The following COL5A3 variants were observed in gnomAD, a reference collection of about 807,000 sequenced individuals.
COL5A3 encodes collagen type V alpha 3 chain.
A neutral mutation model predicts 250.0 loss-of-function variants in COL5A3; 172 were observed. That is an observed-to-expected ratio of 0.69 (90% CI 0.61 to 0.78). COL5A3 has a LOEUF of 0.78. Among genes scored for constraint, COL5A3 ranks in the 30% least tolerant of loss-of-function variants. COL5A3 has a pLI of 0.00. For missense variants in COL5A3, 2,340 were observed against 2,334.4 expected (o/e 1.00, Z -0.05); for synonymous variants, 937 against 900.4 (o/e 1.04, Z -0.73).
Position 9,978,892 on chromosome 19 carries a change from G to C in COL5A3, c.2963C>G (p.Pro988Arg). The change falls in exon 40 of 67, where the codon CCG becomes CGG. Residue 988 changes from proline to arginine, a missense_variant and splice_region_variant. Physicochemically the swap from Pro to Arg is moderately radical, Grantham distance 103 (BLOSUM62 -2). Around this residue, in one of 3 missense-constraint regions of COL5A3, gnomAD observed 1,179 missense variants for 1,162.6 expected, o/e 1.01. Coordinates refer to ENST00000264828, the MANE Select transcript of COL5A3 (RefSeq NM_015719.4). ...FPGPKGGPGD[P>R]GPTGLKGDKG... ...AGGAGGGTCTCCAAAGATACTCACCGGGTCCCCAGGGCCCCCTTTGGGGCC... is the reference window on the plus strand; with the variant it reads ...AGGAGGGTCTCCAAAGATACTCACCCGGTCCCCAGGGCCCCCTTTGGGGCC... The C allele has an allele frequency of 6.9e-7, 1 of 1,456,002 alleles. No individual in the cohort carries two copies. Among genetic ancestry groups the C allele is most frequent in the Non-Finnish European group, 9.1e-7 (1 of 1,103,716 alleles). 90.2% of individuals were successfully genotyped at this position (1,456,002 alleles called of 1,614,324 possible). A position where few individuals can be genotyped will look rare whatever the true frequency, so the allele number is the denominator to read the frequency against.
rs760485484 is a variant in COL5A3 at position 9,962,837 on chromosome 19, T to A, written c.4833A>T (p.Thr1611=). Residue 1611 remains threonine, a synonymous_variant, in exon 65 of 67, where the codon ACA becomes ACT. Coordinates refer to ENST00000264828, the MANE Select transcript of COL5A3 (RefSeq NM_015719.4). ...SKEKPGGWYS[T]FRRGKKFSYV... is the part of the protein sequence containing the mutation. ...GACTCACCTTCTTCCCTCGACGGAA[T>A]GTGCTATACCAGCCTCCAGGCTTTT... 22 of 1,611,140 alleles carry A rather than the reference T, an allele frequency of 1.4e-5. No homozygotes were observed. The highest frequency in any genetic ancestry group is 2.5e-6 in the Non-Finnish European group (3 of 1,178,696).
intron 61 of COL5A3, 104 bp downstream of exon 61, chr19:9,967,800 C>CATGAATAA (rs1351652444): frequency 1.1e-5 from 13 of 1,190,564 alleles, no homozygotes; most frequent in Non-Finnish European, 1.5e-5. Context: ...CGCACGATTG[C>CATGAATAA]ATGAATAAAT....
intron 31 of COL5A3, among the ~76,000 whole-genome samples, chr19:9,984,703 C>T (rs1261356660): frequency 6.6e-6 from 1 of 152,106 alleles, no homozygotes; most frequent in Non-Finnish European, 1.5e-5. Flanking sequence ...TGTTTCACCG[C>T]AGAGAAAACA....
chr19:9,970,382 G>A (rs1599533659), intron 54 of COL5A3, among the ~76,000 whole-genome samples: 3 of 122,176 alleles, frequency 2.5e-5, no homozygotes, highest in Admixed American at 8.3e-5. Context: ...GGTAAGCGGG[G>A]GCTGTGGGGT....
rs1358026424 is a variant in COL5A3 at position 9,993,082 on chromosome 19, C to T, written c.1750-15G>A. On this transcript the variant is annotated splice_polypyrimidine_tract_variant and intron_variant, in intron 19 of 66. Coordinates refer to ENST00000264828, the MANE Select transcript of COL5A3 (RefSeq NM_015719.4). ...CCCTCTGCTCCCTGTGGAAAAGCGT[C>T]ATTACTTGGGAACAGGAAGGTACAA... The T allele has an allele frequency of 1.2e-6, 2 of 1,613,716 alleles. No homozygotes were observed. Among genetic ancestry groups the T allele is most frequent in the South Asian group, 1.1e-5 (1 of 91,038 alleles).
intron 27 of COL5A3, among the ~76,000 whole-genome samples, chr19:9,988,855 A>AAAAAAAAAAGAGAGAAAG (rs1269531312): frequency 2.9e-5 from 3 of 104,740 alleles, no homozygotes; most frequent in Non-Finnish European, 5.5e-5. Flanking sequence ...AAAAAAAAAA[A>AAAAAAAAAAGAGAGAAAG]AAAGAAAGTA....
intron 64 of COL5A3, among the ~76,000 whole-genome samples, chr19:9,964,939 C>T (rs779068353): frequency 1.4e-5 from 2 of 140,706 alleles, no homozygotes; most frequent in Non-Finnish European, 1.5e-5. Context: ...ATTACAGCTC[C>T]TGGGGAGGCT....
rs1419781091 is a variant in COL5A3 at position 9,989,537 on chromosome 19, A to G, written c.1993-15T>C. 2 of 1,606,906 alleles carry G rather than the reference A, an allele frequency of 1.2e-6. No homozygotes were observed. The highest frequency in any genetic ancestry group is 1.7e-6 in the Non-Finnish European group (2 of 1,176,544). ...CCAGGGGGACCCTGAAAGAAGATGAACAGCAGGGGAGAGACAGAGGTGCTC... is the reference window on the plus strand; with the variant it reads ...CCAGGGGGACCCTGAAAGAAGATGAGCAGCAGGGGAGAGACAGAGGTGCTC... On this transcript the variant is annotated splice_polypyrimidine_tract_variant and intron_variant, in intron 24 of 66. Coordinates refer to ENST00000264828, the MANE Select transcript of COL5A3 (RefSeq NM_015719.4).
At position 9,986,341 on chromosome 19, in the gene COL5A3, C is replaced by T. The variant is rs1392102562; in HGVS notation, c.2326G>A (p.Gly776Arg). ...TTCTCCCCAGCTGAGCCTGGGGGCC[C>T]CTCCTCGCCAGCCTGCCCCGCCTGC... ...KGQAGQAGEEGPPGSAGEKGK... is the reference protein window; with the variant it reads ...KGQAGQAGEERPPGSAGEKGK... Residue 776 changes from glycine (G) to arginine (R), a missense_variant, in exon 30 of 67, where the codon GGG becomes AGG. Physicochemically the swap from Gly to Arg is moderately radical, Grantham distance 125. Transcript: ENST00000264828. The T allele has an allele frequency of 5.7e-6, 9 of 1,586,378 alleles. No homozygotes were observed. The highest frequency in any genetic ancestry group is 7.7e-6 in the Non-Finnish European group (9 of 1,172,602).
chr19:10,010,177 G>C, intron 1 of COL5A3, 121 bp downstream of exon 1: 1 of 462,276 alleles, frequency 2.2e-6, no homozygotes, highest in Non-Finnish European at 3.0e-6. Flanking sequence ...CATCACACCG[G>C]GGCCGCACGC....
chr19:9,999,061 T>TC (rs1169313624), intron 8 of COL5A3, among the ~76,000 whole-genome samples: 2 of 151,946 alleles, frequency 1.3e-5, no homozygotes, highest in Non-Finnish European at 2.9e-5. Flanking sequence ...TCTCTTTTTC[T>TC]TTCTTCTTTC....
intron 1 of COL5A3, among the ~76,000 whole-genome samples, chr19:10,008,064 T>C (rs752796778): frequency 1.3e-5 from 2 of 152,038 alleles, no homozygotes; most frequent in Non-Finnish European, 2.9e-5. Flanking sequence ...AAATCTGGGT[T>C]GCAGTCCCCT....
intron 57 of COL5A3, chr19:9,969,019 G>T: frequency 1.7e-6 from 1 of 584,638 alleles, no homozygotes. Flanking sequence ...GGGTCAGTGT[G>T]GTCAGTGTAG....
intron 11 of COL5A3, 80 bp downstream of exon 11, chr19:9,997,291 T>A: frequency 9.2e-7 from 1 of 1,084,364 alleles, no homozygotes. Flanking sequence ...CACACCCTCA[T>A]ATCTATGTTC....
chr19:10,003,436 T>A, intron 6 of COL5A3, 129 bp downstream of exon 6: 2 of 902,790 alleles, frequency 2.2e-6, no homozygotes, highest in Admixed American at 2.3e-5. Context: ...GAGAAAAAGA[T>A]CATAGATGAG....
At position 10,003,566 on chromosome 19, in the gene COL5A3, T is replaced by A; in HGVS notation, c.848A>T (p.Gln283Leu). ...SSPPPDSAEN[Q>L]TSTDIPKTET... The stretch of plus-strand genomic sequence containing the variant: ...AGTGAGAGGTCTCAGGGCCCTTACC[T>A]GGTTCTCTGCGGAGTCAGGAGGTGG... The change falls in exon 6 of 67, where the codon CAG (glutamine) becomes CTG (leucine). Residue 283 changes from glutamine to leucine, a missense_variant and splice_region_variant. Physicochemically the swap from Gln to Leu is moderately radical, Grantham distance 113 (BLOSUM62 -2). Coordinates refer to ENST00000264828, the MANE Select transcript of COL5A3 (RefSeq NM_015719.4). The A allele has an allele frequency of 6.2e-7, 1 of 1,614,122 alleles. No individual in the cohort carries two copies. The highest frequency in any genetic ancestry group is 8.5e-7 in the Non-Finnish European group (1 of 1,179,996).
chr19:9,996,785 G>C (rs2087280471), intron 11 of COL5A3, 96 bp from the exon 12 acceptor site: 2 of 841,090 alleles, frequency 2.4e-6, no homozygotes, highest in Non-Finnish European at 3.6e-6. Context: ...CAGAAAGAGA[G>C]AGAGAGGGAG....
At chr19:9,973,512 C>A in intron 50 of COL5A3, 58 bp downstream of exon 50, 1 of 1,555,656 alleles carries the variant, frequency 6.4e-7, no homozygotes. Context: ...GCCCAAGATG[C>A]CCAGGGGTCA....
intron 45 of COL5A3, among the ~76,000 whole-genome samples, chr19:9,976,283 T>C (rs2086920990): frequency 1.3e-5 from 2 of 151,832 alleles, no homozygotes; most frequent in African/African-American, 4.8e-5. Flanking sequence ...GGGTTCATAC[T>C]GGGTGTTTGT....
Sources: gnomAD v4.1 joint callset for allele counts (sites outside exome capture counted in the v4.1 genomes callset) on GRCh38, gnomAD v4.1.1 for gene constraint, gnomAD v4.1.1 regional missense constraint, MANE v1.5 for transcripts, NCBI Gene and HGNC (gene_info 2026-07-23, HGNC 2026-07-21) for gene names.